The following RUNDC1 variants were observed in gnomAD, a reference collection of about 807,000 sequenced individuals.
RUNDC1 encodes the protein RUN domain containing 1, also known as RUN domain-containing protein 1.
RUNDC1 carries 31 observed loss-of-function variants against 49.3 expected under a neutral mutation model. That is an observed-to-expected ratio of 0.63 (90% CI 0.47 to 0.85). RUNDC1 has a LOEUF of 0.85. Among genes scored for constraint, RUNDC1 ranks in the 40% least tolerant of loss-of-function variants. RUNDC1 has a pLI of 0.00. For synonymous variants in RUNDC1, 347 were observed against 348.6 expected, an observed-to-expected ratio of 1.00 and a Z score of 0.05; for missense variants, 715 against 806.7, an observed-to-expected ratio of 0.89 and a Z score of 1.38.
chr17:42,990,338 A>G lies in RUNDC1; in HGVS notation c.878A>G (p.Gln293Arg), dbSNP rs1166896440. 7.4e-6 allele frequency: 12 copies of G among 1,614,004 alleles called. No individual in the cohort carries two copies. Among genetic ancestry groups the G allele is most frequent in the Non-Finnish European group, 9.3e-6 (11 of 1,180,024 alleles). The change falls in exon 4 of 5, where the codon CAG becomes CGG. Residue 293 changes from glutamine (Q) to arginine (R), a missense_variant. Transcript: ENST00000361677. ...FIQDEVGSPL[Q>R]TGGGHCECKA... ...CCAGATGAAGTGGGAAGCCCCTTGC[A>G]GACAGGTGGTGGACACTGTGAGTGC...
Position 42,992,214 on chromosome 17 carries a change from CAAAA to C in RUNDC1, c.*506_*509del, listed in dbSNP as rs879774243. On this transcript the variant is annotated 3_prime_UTR_variant, in exon 5 of 5. Transcript: ENST00000361677. ...TGGGCGACAGAGTGAGACTCCGTCT[CAAAA>C]AAAAAAAGAAGGTTGTACCCACAGT... 1 of 141,914 alleles carries C rather than the reference CAAAA, an allele frequency of 7.0e-6. No homozygotes were observed. The highest frequency in any genetic ancestry group is 2.0e-4 in the South Asian group (1 of 4,920). The allele number at this position is 141,914 out of a possible 1,614,324, so 8.8% of individuals were successfully genotyped here. A position where few individuals can be genotyped will look rare whatever the true frequency, so the allele number is the denominator to read the frequency against.
intron 2 of RUNDC1, among the ~76,000 whole-genome samples, chr17:42,988,070 A>G (rs2050192949): frequency 6.6e-6 from 1 of 151,500 alleles, no homozygotes; most frequent in Non-Finnish European, 1.5e-5. Flanking sequence ...GCTTTTTCCT[A>G]CTACTCACTA....
chr17:42,983,607 A>G (rs2050131698), intron 1 of RUNDC1, among the ~76,000 whole-genome samples: 3 of 150,722 alleles, frequency 2.0e-5, no homozygotes, highest in African/African-American at 7.3e-5. Context: ...TCCTGGGCTC[A>G]AGCAAGCCAC....
In RUNDC1 at chr17:42,981,032, TGGGCTGCCAG is replaced by T. The variant is rs752759292; in HGVS notation, c.460_469del (p.Leu154ThrfsTer29). On this transcript the variant is annotated frameshift_variant, in exon 1 of 5. Coordinates refer to ENST00000361677, the MANE Select transcript of RUNDC1 (RefSeq NM_173079.5). LOFTEE classifies it high-confidence loss of function. The stretch of plus-strand genomic sequence containing the variant: ...GCGACCCCGCCAGCGATGAGGGCGA[TGGGCTGCCAG>T]GGGACCGGCCATGGTTGCGGGGCGA... 5 of 1,555,424 alleles carry T rather than the reference TGGGCTGCCAG, an allele frequency of 3.2e-6. No individual in the cohort carries two copies. Among genetic ancestry groups the T allele is most frequent in the Non-Finnish European group, 4.3e-6 (5 of 1,158,004 alleles).
In RUNDC1 at chr17:42,981,049, G is replaced by A; in HGVS notation, c.473G>A (p.Arg158Gln). The A allele has an allele frequency of 1.9e-6, 3 of 1,561,292 alleles. No individual in the cohort carries two copies. The highest frequency in any genetic ancestry group is 2.6e-6 in the Non-Finnish European group (3 of 1,161,174). ...SDEGDGLPGD[R>Q]PWLRGEDQSE... ...GAGGGCGATGGGCTGCCAGGGGACCGGCCATGGTTGCGGGGCGAGGACCAG... is the reference window on the plus strand; with the variant it reads ...GAGGGCGATGGGCTGCCAGGGGACCAGCCATGGTTGCGGGGCGAGGACCAG... Residue 158 changes from arginine (R) to glutamine (Q), a missense_variant, in exon 1 of 5, where the codon CGG becomes CAG. This residue lies in a region of RUNDC1 where 113 missense variants were observed against 93.4 expected (regional missense o/e 1.21). Transcript: ENST00000361677.
In RUNDC1 at chr17:42,991,469, G is replaced by T. The variant is rs767660129; in HGVS notation, c.1595G>T (p.Arg532Leu). 1 of 1,614,040 alleles carries T rather than the reference G, an allele frequency of 6.2e-7. No individual in the cohort carries two copies. Among genetic ancestry groups the T allele is most frequent in the Admixed American group, 1.7e-5 (1 of 59,994 alleles). ...CTGACAGAGCATGACCCTTTTAAGCGCAGTGCAGACTCAGAATTGAAGGCC... is the reference window on the plus strand; with the variant it reads ...CTGACAGAGCATGACCCTTTTAAGCTCAGTGCAGACTCAGAATTGAAGGCC... ...MVLTEHDPFK[R>L]SADSELKALV... is the part of the protein sequence containing the mutation. The change falls in exon 5 of 5, where the codon CGC becomes CTC. Residue 532 changes from arginine (R) to leucine (L), a missense_variant. By Grantham distance (102) the Arg-to-Leu change is moderately radical. Around this residue, in one of 5 missense-constraint regions of RUNDC1, gnomAD observed 425 missense variants for 499.7 expected, o/e 0.85. Coordinates refer to ENST00000361677, the MANE Select transcript of RUNDC1 (RefSeq NM_173079.5).
At chr17:42,986,569 C>T (rs1417075961) in intron 1 of RUNDC1, among the ~76,000 whole-genome samples, 1 of 152,056 alleles carries the variant, frequency 6.6e-6, no homozygotes, top group Non-Finnish European at 1.5e-5. Context: ...GCGATCTCTG[C>T]TCACTGCAAG....
Position 42,993,432 on chromosome 17 carries a change from G to T in RUNDC1, c.*1716G>T, listed in dbSNP as rs1192292319. ...CTTTGTTTCTGCACTATTATGTAGTGCATTTTAACTTAAATTTTTTCCAGC... is the reference window on the plus strand; with the variant it reads ...CTTTGTTTCTGCACTATTATGTAGTTCATTTTAACTTAAATTTTTTCCAGC... On this transcript the variant is annotated 3_prime_UTR_variant, in exon 5 of 5. Coordinates refer to ENST00000361677, the MANE Select transcript of RUNDC1 (RefSeq NM_173079.5). 6.6e-6 allele frequency: 1 copy of T among 152,086 alleles called. No individual in the cohort carries two copies. Among genetic ancestry groups the T allele is most frequent in the Non-Finnish European group, 1.5e-5 (1 of 68,020 alleles). The allele number at this position is 152,086 out of a possible 1,614,324, so 9.4% of individuals were successfully genotyped here.
At chr17:42,985,449 G>A (rs2050158343) in intron 1 of RUNDC1, among the ~76,000 whole-genome samples, 1 of 152,110 alleles carries the variant, frequency 6.6e-6, no homozygotes, top group African/African-American at 2.4e-5. Flanking sequence ...TCACCAAATG[G>A]GGAAGTGGGA....
chr17:42,988,970 C>T (rs2050204520), intron 2 of RUNDC1, among the ~76,000 whole-genome samples: 1 of 152,138 alleles, frequency 6.6e-6, no homozygotes, highest in Non-Finnish European at 1.5e-5. Flanking sequence ...GAGCAAGACC[C>T]TGTCTCTTAA....
Position 42,991,551 on chromosome 17 carries a change from C to T in RUNDC1, c.1677C>T (p.Cys559=), listed in dbSNP as rs1280284064. The T allele has an allele frequency of 3.8e-5, 62 of 1,614,054 alleles. No individual in the cohort carries two copies. Among genetic ancestry groups the T allele is most frequent in the Non-Finnish European group, 5.2e-5 (61 of 1,180,038 alleles). The change falls in exon 5 of 5, where the codon TGC becomes TGT. Residue 559 remains cysteine (C), a synonymous_variant. Transcript: ENST00000361677. ...QRLVSWVNLI[C]KSGSLIEPHY... ...TGGTGTCCTGGGTGAACCTCATCTGCAAGTCCGGGTCACTCATCGAGCCTC... is the reference window on the plus strand; with the variant it reads ...TGGTGTCCTGGGTGAACCTCATCTGTAAGTCCGGGTCACTCATCGAGCCTC...
chr17:42,983,451 A>T (rs2151956889), intron 1 of RUNDC1, among the ~76,000 whole-genome samples: 1 of 138,070 alleles, frequency 7.2e-6, no homozygotes, highest in Admixed American at 8.4e-5. Flanking sequence ...ATCAGGACTC[A>T]CTGCAGCCTT....
chr17:42,989,814 T>C (rs2050215370), intron 3 of RUNDC1, among the ~76,000 whole-genome samples: 1 of 152,002 alleles, frequency 6.6e-6, no homozygotes, highest in Admixed American at 6.6e-5. Context: ...TTTGTATTTT[T>C]AGTAGAGATG....
Position 42,993,465 on chromosome 17 carries a change from TACTTATTTA to T in RUNDC1, c.*1751_*1759del, listed in dbSNP as rs1283158659. On this transcript the variant is annotated 3_prime_UTR_variant, in exon 5 of 5. Transcript: ENST00000361677. The stretch of plus-strand genomic sequence containing the variant: ...ACTTAAATTTTTTCCAGCAACATGT[TACTTATTTA>T]AGATACATTACTGATATTTCATTAT... 2 of 152,258 alleles carry T rather than the reference TACTTATTTA, an allele frequency of 1.3e-5. No homozygotes were observed. Among genetic ancestry groups the T allele is most frequent in the African/African-American group, 2.4e-5 (1 of 41,470 alleles). The allele number at this position is 152,258 out of a possible 1,614,324, so 9.4% of individuals were successfully genotyped here. A position where few individuals can be genotyped will look rare whatever the true frequency, so the allele number is the denominator to read the frequency against.
Position 42,992,568 on chromosome 17 carries a change from C to CAAAAAAAAA in RUNDC1, c.*867_*875dup, listed in dbSNP as rs578105215. 3.6e-5 allele frequency: 2 copies of CAAAAAAAAA among 55,078 alleles called. No individual in the cohort carries two copies. Among genetic ancestry groups the CAAAAAAAAA allele is most frequent in the African/African-American group, 7.1e-5 (1 of 14,040 alleles). The allele number at this position is 55,078 out of a possible 1,614,324, so 3.4% of individuals were successfully genotyped here. A position where few individuals can be genotyped will look rare whatever the true frequency, so the allele number is the denominator to read the frequency against. Reference sequence around the variant, plus strand: ...TGGGCAACACAGGGAGACTCCATCTCAAAAAAAAAAAAAAAAAAAAAAAGA... The same window carrying CAAAAAAAAA: ...TGGGCAACACAGGGAGACTCCATCTCAAAAAAAAAAAAAAAAAAAAAAAAAAAAAAAAGA... On this transcript the variant is annotated 3_prime_UTR_variant, in exon 5 of 5. Transcript: ENST00000361677.
intron 1 of RUNDC1, among the ~76,000 whole-genome samples, chr17:42,986,776 G>T (rs1441401543): frequency 2.6e-5 from 4 of 152,188 alleles, no homozygotes; most frequent in Non-Finnish European, 5.9e-5. Flanking sequence ...TGGGATTACA[G>T]GCGTGAGCTA....
chr17:42,994,069 G>A lies in RUNDC1; in HGVS notation c.*2353G>A, dbSNP rs1275669718. On this transcript the variant is annotated 3_prime_UTR_variant, in exon 5 of 5. Transcript: ENST00000361677. ...GAGAGGGTTTCACCACATTTGTCAG[G>A]CTAGTCTCGAACTCCTGACCTCAGG... 2.0e-5 allele frequency among the ~76,000 whole-genome samples: 3 copies of A among 152,116 alleles called. No individual in the cohort carries two copies. Among genetic ancestry groups the A allele is most frequent in the Non-Finnish European group, 4.4e-5 (3 of 68,032 alleles).
chr17:42,995,037 A>C lies in RUNDC1; in HGVS notation c.*3321A>C, dbSNP rs562011508. ...CCTAGACTAGATGCTAAAGAAAGAG[A>C]AAAGTAAACCTACCCCGTGCCCTCA... On this transcript the variant is annotated 3_prime_UTR_variant, in exon 5 of 5. Transcript: ENST00000361677. Among the ~76,000 whole-genome samples, 11 of 152,350 alleles carry C rather than the reference A, an allele frequency of 7.2e-5. No individual in the cohort carries two copies. Among genetic ancestry groups the C allele is most frequent in the African/African-American group, 2.6e-4 (11 of 41,584 alleles).
At chr17:42,984,110 C>T (rs542538745) in intron 1 of RUNDC1, among the ~76,000 whole-genome samples, 6 of 152,132 alleles carry the variant, frequency 3.9e-5, no homozygotes, top group African/African-American at 1.4e-4. Flanking sequence ...GCTGGGACCA[C>T]AGGCGCACAC....
Sources: gnomAD v4.1 joint callset for allele counts (sites outside exome capture counted in the v4.1 genomes callset) on GRCh38, gnomAD v4.1.1 for gene constraint, gnomAD v4.1.1 regional missense constraint, MANE v1.5 for transcripts, NCBI Gene and HGNC (gene_info 2026-07-23, HGNC 2026-07-21) for gene names.